Variants in PIGU observed in about 807,000 individuals in gnomAD.
The protein encoded by PIGU is phosphatidylinositol glycan anchor biosynthesis class U, also known as GPI-anchor transamidase component PIGU.
PIGU carries 24 observed loss-of-function variants against 49.9 expected under a neutral mutation model. The observed-to-expected ratio is 0.48, with a 90% CI of 0.35 to 0.68. The LOEUF (loss-of-function observed/expected upper bound fraction) is 0.68. Ranked by LOEUF, PIGU falls within the 30% of genes least tolerant of loss-of-function variation. The probability of loss-of-function intolerance (pLI) is 0.01; values close to 1 mark genes in which losing one functional copy is unlikely to be tolerated. For missense variants in PIGU, 490 were observed against 532.6 expected (o/e 0.92, Z 0.79); for synonymous variants, 220 against 205.7 (o/e 1.07, Z -0.59).
intron 8 of PIGU, among the ~76,000 whole-genome samples, chr20:34,587,548 T>A (rs1983747810): frequency 6.6e-6 from 1 of 152,164 alleles, no homozygotes; most frequent in Non-Finnish European, 1.5e-5. Context: ...AATACTCTAT[T>A]ATTAACTATA....
At position 34,560,792 on chromosome 20, in the gene PIGU, T is replaced by G. The variant is rs1180695565; in HGVS notation, c.*74A>C. The G allele has an allele frequency of 8.6e-7, 1 of 1,168,214 alleles. No homozygotes were observed. The highest frequency in any genetic ancestry group is 1.6e-5 in the African/African-American group (1 of 62,830). 72.4% of individuals were successfully genotyped at this position (1,168,214 alleles called of 1,614,324 possible). A position where few individuals can be genotyped will look rare whatever the true frequency, so the allele number is the denominator to read the frequency against. On this transcript the variant is annotated 3_prime_UTR_variant, in exon 12 of 12. Transcript: ENST00000217446. ...GCCCAAGCACTCGCCTGCTGGCAAC[T>G]CTGGCTGGAGGGCTTGGCCCAGCTT... is the stretch of plus-strand genomic sequence containing the variant.
intron 1 of PIGU, among the ~76,000 whole-genome samples, chr20:34,676,515 A>G (rs895700380): frequency 2.8e-4 from 43 of 152,150 alleles, no homozygotes; most frequent in Non-Finnish European, 5.9e-4. Context: ...TCCTCGCTTA[A>G]GCAAAATTGG....
intron 7 of PIGU, among the ~76,000 whole-genome samples, chr20:34,595,112 A>AG (rs1178008620): frequency 5.3e-5 from 8 of 151,002 alleles, no homozygotes; most frequent in South Asian, 2.1e-4. Context: ...AAAAAAAAAA[A>AG]AAAAAAGAAA....
intron 11 of PIGU, among the ~76,000 whole-genome samples, chr20:34,572,225 T>C (rs1372617556): frequency 6.6e-6 from 1 of 152,106 alleles, no homozygotes; most frequent in African/African-American, 2.4e-5. Flanking sequence ...TTATTTTTAT[T>C]ATTTATTGCT....
intron 5 of PIGU, among the ~76,000 whole-genome samples, chr20:34,635,693 T>C (rs1446681940): frequency 6.6e-6 from 1 of 150,742 alleles, no homozygotes; most frequent in Non-Finnish European, 1.5e-5. Context: ...CTGACCAACA[T>C]GGAGAAACCC....
rs1036210778 is a variant in PIGU at position 34,666,499 on chromosome 20, C to A, written c.131-9255G>T. Among the ~76,000 whole-genome samples, 3 of 151,210 alleles carry A rather than the reference C, an allele frequency of 2.0e-5. No homozygotes were observed. The East Asian group carries it at 5.8e-4, about 29-fold the overall frequency. ...CTCAACTCTTAACTGATAACTAACCCATGAAGCAAGCTTATTTAATTAATT... is the reference window on the plus strand; with the variant it reads ...CTCAACTCTTAACTGATAACTAACCAATGAAGCAAGCTTATTTAATTAATT... On this transcript the variant is annotated intron_variant, in intron 1 of 11. Coordinates refer to ENST00000217446, the MANE Select transcript of PIGU (RefSeq NM_080476.5).
intron 4 of PIGU, among the ~76,000 whole-genome samples, chr20:34,640,512 C>A (rs939698509): frequency 9.5e-6 from 1 of 104,866 alleles, no homozygotes; most frequent in Non-Finnish European, 2.3e-5. Context: ...CACACACACA[C>A]ACACACACAC....
chr20:34,655,143 C>T lies in PIGU; in HGVS notation c.195+2037G>A, dbSNP rs1986666100. 2.5e-5 allele frequency among the ~76,000 whole-genome samples: 3 copies of T among 118,942 alleles called. 1 individual carries two copies. The South Asian group carries it at 7.2e-4, about 28-fold the overall frequency. The allele number at this position is 118,942 out of a possible 152,430, so 78.0% of individuals were successfully genotyped here. On this transcript the variant is annotated intron_variant, in intron 2 of 11. Coordinates refer to ENST00000217446, the MANE Select transcript of PIGU (RefSeq NM_080476.5). ...GCAACATAGCAAGACCCCATCTCTA[C>T]AAAGAAATTTTTAAAAATTAGCCAG...
chr20:34,562,277 C>G (rs1982554623), intron 11 of PIGU: 2 of 376,886 alleles, frequency 5.3e-6, no homozygotes, highest in Admixed American at 6.4e-5. Flanking sequence ...CACCGCAGCT[C>G]TCAGGCACCT....
At chr20:34,616,757 T>C (rs1427937558) in intron 6 of PIGU, among the ~76,000 whole-genome samples, 2 of 152,088 alleles carry the variant, frequency 1.3e-5, no homozygotes, top group Non-Finnish European at 2.9e-5. Flanking sequence ...TTAAATGAAG[T>C]TTATAAAAGA....
chr20:34,645,199 AAAAAG>A (rs1986297527), intron 3 of PIGU, 71 bp downstream of exon 3: 10 of 1,405,664 alleles, frequency 7.1e-6, no homozygotes, highest in South Asian at 1.5e-5. Context: ...AAAAAAAAAA[AAAAAG>A]AGAGAGAGAG....
At chr20:34,602,239 G>A (rs926450895) in intron 7 of PIGU, among the ~76,000 whole-genome samples, 16 of 151,740 alleles carry the variant, frequency 1.1e-4, no homozygotes, top group Non-Finnish European at 1.2e-4. Flanking sequence ...CCGAGACTGC[G>A]CCAGTGCACT....
chr20:34,624,545 G>C (rs1985381256), intron 6 of PIGU, among the ~76,000 whole-genome samples: 1 of 152,202 alleles, frequency 6.6e-6, no homozygotes, highest in African/African-American at 2.4e-5. Flanking sequence ...GAACCCTTAG[G>C]TGGCAAACTT....
chr20:34,618,236 G>A (rs889921000), intron 6 of PIGU, among the ~76,000 whole-genome samples: 2 of 152,102 alleles, frequency 1.3e-5, no homozygotes, highest in African/African-American at 4.8e-5. Context: ...AACATGCTTT[G>A]TTTTTGTCAT....
At chr20:34,658,262 C>T (rs984673789) in intron 1 of PIGU, among the ~76,000 whole-genome samples, 6 of 152,252 alleles carry the variant, frequency 3.9e-5, no homozygotes, top group Admixed American at 2.6e-4. Flanking sequence ...CCCGAGGTGC[C>T]GGGATTGCAG....
At chr20:34,583,764 C>G (rs1983581644) in intron 9 of PIGU, among the ~76,000 whole-genome samples, 1 of 152,158 alleles carries the variant, frequency 6.6e-6, no homozygotes, top group Admixed American at 6.5e-5. Flanking sequence ...CCGGAGCCTG[C>G]CAGGCCATGG....
chr20:34,632,692 T>A (rs911418523), intron 6 of PIGU, among the ~76,000 whole-genome samples: 2 of 151,684 alleles, frequency 1.3e-5, no homozygotes. Flanking sequence ...AGACAACTAC[T>A]GAGAAAGTAC....
At position 34,644,521 on chromosome 20, in the gene PIGU, CT is replaced by C. The variant is rs1986270923; in HGVS notation, c.256-296del. Reference sequence around the variant, plus strand: ...TTTTGTAAAATGGAAATAATACCCACTGCTTTGCATGCCTGATGTATGTCAA... The same window carrying C: ...TTTTGTAAAATGGAAATAATACCCACGCTTTGCATGCCTGATGTATGTCAA... On this transcript the variant is annotated intron_variant, in intron 3 of 11. Coordinates refer to ENST00000217446, the MANE Select transcript of PIGU (RefSeq NM_080476.5). Among the ~76,000 whole-genome samples, 3 of 152,320 alleles carry C rather than the reference CT, an allele frequency of 2.0e-5. No individual in the cohort carries two copies. In the South Asian group the frequency reaches 6.2e-4, roughly 32 times the overall value.
At chr20:34,631,797 TTTTTTTTTTTTTTTTTTTTA>T (rs1985785029) in intron 6 of PIGU, among the ~76,000 whole-genome samples, 9 of 30,064 alleles carry the variant, frequency 3.0e-4, no homozygotes, top group Admixed American at 6.2e-4. Flanking sequence ...TTTTTTTTTT[TTTTTTTTTTTTTTTTTTTTA>T]GTAGAGACGG....
Sources: allele counts gnomAD v4.1 joint callset (sites outside exome capture counted in the v4.1 genomes callset), GRCh38; gene constraint gnomAD v4.1.1; transcripts MANE v1.5; gene names NCBI Gene and HGNC (gene_info 2026-07-23, HGNC 2026-07-21).